The following RIMS2 variants were observed in gnomAD, a reference collection of about 807,000 sequenced individuals.
The protein encoded by RIMS2 is regulating synaptic membrane exocytosis protein 2.
A neutral mutation model predicts 174.4 loss-of-function variants in RIMS2; 59 were observed. The observed-to-expected ratio is 0.34, with a 90% CI of 0.27 to 0.42. The LOEUF (loss-of-function observed/expected upper bound fraction) is 0.42. RIMS2 is among the 10% of genes least tolerant of loss of function. RIMS2 has a pLI of 1.00. For synonymous variants in RIMS2, 606 were observed against 572.5 expected (o/e 1.06, Z -0.84); for missense variants, 1,620 against 1,666.3 (o/e 0.97, Z 0.48).
At chr8:103,812,331 G>GTTTTTTTTTTTT (rs71575985) in intron 3 of RIMS2, among the ~76,000 whole-genome samples, 130 of 111,564 alleles carry the variant, frequency 1.2e-3, no homozygotes, top group East Asian at 2.1e-3. Flanking sequence ...TTATTACCTT[G>GTTTTTTTTTTTT]TTTTTTTTTT....
intron 2 of RIMS2, among the ~76,000 whole-genome samples, chr8:103,754,030 A>G (rs2097937291): frequency 6.6e-6 from 1 of 152,074 alleles, no homozygotes. Context: ...TAGGGTGTCA[A>G]TTTTGGATCT....
chr8:104,248,671 A>G (rs1336951572), intron 20 of RIMS2, 30 bp from the exon 27 acceptor site: 1 of 1,168,636 alleles, frequency 8.6e-7, no homozygotes, highest in Non-Finnish European at 1.3e-6. Flanking sequence ...GGGGTTGGGG[A>G]TTTAATCTCA....
chr8:103,949,144 A>AT, intron 14 of RIMS2, among the ~76,000 whole-genome samples: 1 of 138,522 alleles, frequency 7.2e-6, no homozygotes, highest in East Asian at 2.0e-4. Context: ...AAAAAAAAAA[A>AT]AAAGGGAAAG....
intron 19 of RIMS2, among the ~76,000 whole-genome samples, chr8:104,071,164 G>C (rs1369651535): frequency 6.6e-6 from 1 of 152,254 alleles, no homozygotes; most frequent in Non-Finnish European, 1.5e-5. Flanking sequence ...GCATAGCTGG[G>C]ATTTCTTTTC....
chr8:104,054,875 T>A (rs1293455893), intron 19 of RIMS2, among the ~76,000 whole-genome samples: 1 of 152,104 alleles, frequency 6.6e-6, no homozygotes, highest in East Asian at 1.9e-4. Context: ...ATAAAGAAAA[T>A]GTAAATATTT....
chr8:104,078,596 T>A (rs1010095523), intron 19 of RIMS2, among the ~76,000 whole-genome samples: 2 of 152,230 alleles, frequency 1.3e-5, no homozygotes, highest in Admixed American at 6.5e-5. Flanking sequence ...TCTGAGGTAC[T>A]GAAGACTAGG....
chr8:104,147,086 T>A (rs566108141), intron 19 of RIMS2, among the ~76,000 whole-genome samples: 4 of 152,294 alleles, frequency 2.6e-5, no homozygotes, highest in African/African-American at 9.6e-5. Flanking sequence ...CTTTGGCTCT[T>A]TTAAACGATA....
chr8:104,207,081 T>TA (rs200523010), intron 19 of RIMS2, among the ~76,000 whole-genome samples: 25 of 151,378 alleles, frequency 1.7e-4, no homozygotes, highest in South Asian at 8.4e-4. Flanking sequence ...AGACTAGGAT[T>TA]AAAAAAAAAC....
intron 19 of RIMS2, among the ~76,000 whole-genome samples, chr8:104,118,648 C>T (rs1191022076): frequency 6.6e-6 from 1 of 152,048 alleles, no homozygotes; most frequent in Non-Finnish European, 1.5e-5. Flanking sequence ...GGATTATAGC[C>T]ATGAGCCACC....
intron 19 of RIMS2, among the ~76,000 whole-genome samples, chr8:104,207,295 A>G (rs142541298): frequency 1.3e-5 from 2 of 152,298 alleles, no homozygotes; most frequent in African/African-American, 4.8e-5. Flanking sequence ...GGAAGATTTT[A>G]TTAGAGTGGA....
intron 19 of RIMS2, among the ~76,000 whole-genome samples, chr8:104,049,375 A>G (rs552216681): frequency 6.6e-6 from 1 of 152,308 alleles, no homozygotes; most frequent in South Asian, 2.1e-4. Flanking sequence ...CAGTGAGCCG[A>G]GATCGCGCCA....
intron 19 of RIMS2, among the ~76,000 whole-genome samples, chr8:104,173,066 G>C (rs1055901811): frequency 6.6e-6 from 1 of 152,122 alleles, no homozygotes; most frequent in Non-Finnish European, 1.5e-5. Flanking sequence ...ATTTTTTGTA[G>C]TCTCTGCATA....
intron 19 of RIMS2, among the ~76,000 whole-genome samples, chr8:104,089,100 G>A (rs1055873167): frequency 4.6e-5 from 7 of 151,838 alleles, no homozygotes; most frequent in African/African-American, 9.6e-5. Context: ...ATCTTTAATC[G>A]GAGCACAGTT....
intron 14 of RIMS2, among the ~76,000 whole-genome samples, chr8:103,959,894 G>A (rs1424902949): frequency 6.6e-6 from 1 of 152,094 alleles, no homozygotes; most frequent in African/African-American, 2.4e-5. Context: ...GCCCACAAGA[G>A]AAAGCAGAAA....
At chr8:103,598,880 G>T (rs1249863377) in intron 1 of RIMS2, among the ~76,000 whole-genome samples, 1 of 152,058 alleles carries the variant, frequency 6.6e-6, no homozygotes, top group Non-Finnish European at 1.5e-5. Flanking sequence ...CTATAAGGGG[G>T]ATGACCAAGA....
chr8:103,595,757 C>T (rs2094457001), intron 1 of RIMS2, among the ~76,000 whole-genome samples: 1 of 151,884 alleles, frequency 6.6e-6, no homozygotes, highest in African/African-American at 2.4e-5. Flanking sequence ...TGTTGCTAAC[C>T]TTAGTGATTT....
intron 19 of RIMS2, among the ~76,000 whole-genome samples, chr8:104,232,554 G>A (rs1459952239): frequency 6.6e-6 from 1 of 152,170 alleles, no homozygotes; most frequent in African/African-American, 2.4e-5. Flanking sequence ...CTGTAGGTTA[G>A]GAGTGATGCC....
intron 7 of RIMS2, 46 bp downstream of exon 10, chr8:103,915,640 A>G (rs1354396851): frequency 1.2e-6 from 1 of 868,976 alleles, no homozygotes; most frequent in Non-Finnish European, 1.8e-6. Context: ...ATTCAACTTT[A>G]GTAGTTATGA....
At chr8:103,646,894 G>A (rs915578016) in intron 1 of RIMS2, among the ~76,000 whole-genome samples, 4 of 152,158 alleles carry the variant, frequency 2.6e-5, no homozygotes, top group African/African-American at 9.7e-5. Context: ...GTAGGAGAAA[G>A]CATCCTTGTC....
Sources: allele counts gnomAD v4.1 joint callset (sites outside exome capture counted in the v4.1 genomes callset), GRCh38; gene constraint gnomAD v4.1.1; transcripts MANE v1.5; gene names NCBI Gene and HGNC (gene_info 2026-07-23, HGNC 2026-07-21).